Variants in TRDN observed in about 807,000 individuals in gnomAD.
TRDN encodes the protein triadin in skeletal muscle.
In TRDN, 161 loss-of-function variants were observed where a neutral mutation model predicts 149.7. The ratio of observed to expected loss-of-function variants is 1.08; its 90% CI spans 0.95 to 1.23. TRDN has a LOEUF of 1.23. Ranked by LOEUF, TRDN falls within the 50% of genes most tolerant of loss-of-function variation. The pLI is 0.00. For synonymous variants in TRDN, 294 were observed against 250.5 expected (o/e 1.17, Z -1.64); for missense variants, 896 against 823.5 (o/e 1.09, Z -1.08).
At chr6:123,411,673 C>T (rs1159761309) in intron 12 of TRDN, 1 of 152,134 alleles carries the variant, frequency 6.6e-6, no homozygotes, top group East Asian at 1.9e-4. Context: ...ATTAATATTG[C>T]CACATAGTAA....
intron 1 of TRDN, among the ~76,000 whole-genome samples, chr6:123,578,189 T>C (rs1046444692): frequency 6.6e-6 from 1 of 152,120 alleles, no homozygotes; most frequent in Admixed American, 6.6e-5. Context: ...TTGGTATCTT[T>C]GTCATGAAAT....
chr6:123,315,871 C>T (rs1779003291), intron 24 of TRDN, among the ~76,000 whole-genome samples: 1 of 151,864 alleles, frequency 6.6e-6, no homozygotes, highest in African/African-American at 2.4e-5. Context: ...CCTTGCAAAA[C>T]CTGTTTTTAG....
chr6:123,632,722 G>C (rs147754063), intron 1 of TRDN, among the ~76,000 whole-genome samples: 1 of 152,040 alleles, frequency 6.6e-6, no homozygotes, highest in Admixed American at 6.6e-5. Flanking sequence ...GCTTAAGCCA[G>C]GGCAGCTGCC....
chr6:123,539,243 A>C (rs1780702340), intron 4 of TRDN, among the ~76,000 whole-genome samples: 1 of 152,214 alleles, frequency 6.6e-6, no homozygotes, highest in African/African-American at 2.4e-5. Flanking sequence ...AATGTGCATA[A>C]GAGTCATTAG....
At chr6:123,299,266 T>C (rs999093463) in intron 24 of TRDN, among the ~76,000 whole-genome samples, 6 of 151,930 alleles carry the variant, frequency 3.9e-5, no homozygotes, top group African/African-American at 1.4e-4. Context: ...GAAGGGTTTG[T>C]GAGAAGGAGA....
At chr6:123,420,416 A>G (rs1773850485) in intron 12 of TRDN, among the ~76,000 whole-genome samples, 1 of 152,014 alleles carries the variant, frequency 6.6e-6, no homozygotes, top group African/African-American at 2.4e-5. Flanking sequence ...AAAACTGTCT[A>G]TTATTCTCTC....
intron 10 of TRDN, among the ~76,000 whole-genome samples, chr6:123,452,882 T>G (rs1290802804): frequency 4.6e-5 from 7 of 152,118 alleles, no homozygotes; most frequent in African/African-American, 7.2e-5. Flanking sequence ...CAAAATATCA[T>G]GGTACTGTTA....
intron 23 of TRDN, among the ~76,000 whole-genome samples, chr6:123,326,363 AAGCATGTCCTTTTCT>A (rs1779456677): frequency 6.6e-6 from 1 of 152,030 alleles, no homozygotes; most frequent in Non-Finnish European, 1.5e-5. Context: ...CTTATATTCT[AAGCATGTCCTTTTCT>A]AGTATCCCAT....
chr6:123,475,012 G>T (rs13205329), intron 9 of TRDN, among the ~76,000 whole-genome samples: 19,394 of 151,940 alleles, frequency 0.13, 1,747 homozygotes, highest in South Asian at 0.3. Flanking sequence ...AAAAGCAAGA[G>T]CAAACATATT....
chr6:123,632,850 T>C (rs1786079130), intron 1 of TRDN, among the ~76,000 whole-genome samples: 1 of 152,044 alleles, frequency 6.6e-6, no homozygotes, highest in South Asian at 2.1e-4. Flanking sequence ...GGCTGTGAAT[T>C]CTTGATTTTT....
At chr6:123,453,399 C>G (rs985252991) in intron 10 of TRDN, among the ~76,000 whole-genome samples, 4 of 151,844 alleles carry the variant, frequency 2.6e-5, no homozygotes, top group African/African-American at 9.7e-5. Context: ...CAAACTCAAA[C>G]AAGACAGTAA....
chr6:123,279,228 G>T lies in TRDN; in HGVS notation c.1511-146C>A. On this transcript the variant is annotated intron_variant, in intron 24 of 40. Coordinates refer to ENST00000334268, the MANE Select transcript of TRDN (RefSeq NM_006073.4). ...CTTTTTTGTTGAAATTCTATAGAATGTGTAACTTATGGCTAAGTTCTTTAG... is the reference window on the plus strand; with the variant it reads ...CTTTTTTGTTGAAATTCTATAGAATTTGTAACTTATGGCTAAGTTCTTTAG... 6.1e-6 allele frequency: 4 copies of T among 657,778 alleles called. No homozygotes were observed. In the East Asian group the frequency reaches 8.9e-5, roughly 15 times the overall value. 40.7% of individuals were successfully genotyped at this position (657,778 alleles called of 1,614,324 possible).
At chr6:123,335,224 TG>T (rs1779817653) in intron 22 of TRDN, among the ~76,000 whole-genome samples, 1 of 151,848 alleles carries the variant, frequency 6.6e-6, no homozygotes, top group African/African-American at 2.4e-5. Flanking sequence ...AAAGGCATTT[TG>T]GGGGCATTAA....
chr6:123,571,543 G>T (rs2114540295), intron 1 of TRDN, among the ~76,000 whole-genome samples: 1 of 152,036 alleles, frequency 6.6e-6, no homozygotes, highest in African/African-American at 2.4e-5. Flanking sequence ...GAAGATCTAA[G>T]ATAATGATGT....
At chr6:123,357,830 T>C (rs1649528114) in intron 20 of TRDN, among the ~76,000 whole-genome samples, 1 of 152,148 alleles carries the variant, frequency 6.6e-6, no homozygotes, top group Admixed American at 6.5e-5. Context: ...CAACGATGGG[T>C]TCATAATTTC....
intron 18 of TRDN, among the ~76,000 whole-genome samples, chr6:123,376,341 C>G (rs1781503179): frequency 6.6e-6 from 1 of 152,120 alleles, no homozygotes; most frequent in Admixed American, 6.6e-5. Flanking sequence ...TCCCAAAGGT[C>G]AAATACTGTG....
intron 20 of TRDN, among the ~76,000 whole-genome samples, chr6:123,363,628 A>G (rs1227536269): frequency 6.6e-6 from 1 of 152,164 alleles, no homozygotes; most frequent in East Asian, 1.9e-4. Flanking sequence ...ACTTCCCTCT[A>G]AGCCTGACAA....
intron 26 of TRDN, among the ~76,000 whole-genome samples, chr6:123,277,606 A>G (rs1409464073): frequency 6.6e-6 from 1 of 152,144 alleles, no homozygotes; most frequent in African/African-American, 2.4e-5. Context: ...CCATGTGATG[A>G]TGGAGGCAGA....
At chr6:123,278,395 C>T in intron 25 of TRDN, 48 bp from the exon 26 acceptor site, 1 of 1,109,464 alleles carries the variant, frequency 9.0e-7, no homozygotes. Flanking sequence ...GAAAGATATT[C>T]ATTTCCTATA....
Sources: gnomAD v4.1 joint callset for allele counts (sites outside exome capture counted in the v4.1 genomes callset) on GRCh38, gnomAD v4.1.1 for gene constraint, MANE v1.5 for transcripts, NCBI Gene and HGNC (gene_info 2026-07-23, HGNC 2026-07-21) for gene names.